The following NKAIN2 variants were observed in gnomAD, a reference collection of about 807,000 sequenced individuals.
NKAIN2 encodes the protein sodium/potassium-transporting ATPase subunit beta-1-interacting protein 2.
NKAIN2 carries 14 observed loss-of-function variants against 32.6 expected under a neutral mutation model. The observed-to-expected ratio is 0.43, with a 90% confidence interval of 0.28 to 0.67. The LOEUF (loss-of-function observed/expected upper bound fraction) is 0.67. Among genes scored for constraint, NKAIN2 ranks in the 30% least tolerant of loss-of-function variants. The pLI, the probability that NKAIN2 is intolerant of heterozygous loss-of-function variation, is 0.17. For synonymous variants in NKAIN2, 80 were observed against 87.2 expected, an observed-to-expected ratio of 0.92 and a Z score of 0.46; for missense variants, 198 against 258.3, an observed-to-expected ratio of 0.77 and a Z score of 1.60.
chr6:124,309,476 T>TG (rs1796633825), intron 2 of NKAIN2, among the ~76,000 whole-genome samples: 1 of 152,176 alleles, frequency 6.6e-6, no homozygotes, highest in Admixed American at 6.6e-5. Context: ...TTTCCCTTAA[T>TG]GTATTAGGGT....
intron 3 of NKAIN2, chr6:124,390,959 A>G (rs539829916): frequency 6.6e-6 from 1 of 152,206 alleles, no homozygotes; most frequent in East Asian, 1.9e-4. Flanking sequence ...ATCTAAAAAT[A>G]TGTTAAAAGT....
At chr6:124,658,037 C>T in intron 3 of NKAIN2, 149 bp from the exon 4 acceptor site, 1 of 588,674 alleles carries the variant, frequency 1.7e-6, no homozygotes, top group Non-Finnish European at 2.9e-6. Context: ...TAGCTGTGTC[C>T]TCGCTTCCTG....
chr6:124,052,699 T>C (rs74481493), intron 1 of NKAIN2, among the ~76,000 whole-genome samples: 8,524 of 152,122 alleles, frequency 0.056, 284 homozygotes, highest in Middle Eastern at 0.14. Flanking sequence ...ATATGGCAAA[T>C]ACCCTCAGTT....
chr6:124,138,907 A>G (rs1308490408), intron 1 of NKAIN2, among the ~76,000 whole-genome samples: 1 of 150,828 alleles, frequency 6.6e-6, no homozygotes, highest in Non-Finnish European at 1.5e-5. Context: ...GATATAATGG[A>G]CTTTGAAGAC....
intron 3 of NKAIN2, among the ~76,000 whole-genome samples, chr6:124,598,601 A>T (rs973767271): frequency 1.3e-5 from 2 of 150,204 alleles, no homozygotes; most frequent in African/African-American, 4.9e-5. Flanking sequence ...TTGGAAGTAC[A>T]CCCCTTTCAT....
chr6:124,347,134 C>A (rs201007262), intron 2 of NKAIN2, among the ~76,000 whole-genome samples: 808 of 134,056 alleles, frequency 6.0e-3, no homozygotes, highest in South Asian at 7.5e-3. Flanking sequence ...CTTGAAAATT[C>A]TTTTCTTTAA....
At chr6:124,256,093 C>G (rs1270796639) in intron 1 of NKAIN2, among the ~76,000 whole-genome samples, 4 of 152,164 alleles carry the variant, frequency 2.6e-5, no homozygotes, top group African/African-American at 9.7e-5. Context: ...ACGTGTTAGT[C>G]TATTCTCAGC....
At chr6:124,566,274 G>T (rs1780907324) in intron 3 of NKAIN2, among the ~76,000 whole-genome samples, 1 of 152,130 alleles carries the variant, frequency 6.6e-6, no homozygotes, top group African/African-American at 2.4e-5. Flanking sequence ...AGAGATATTG[G>T]TCTACTTCCT....
intron 1 of NKAIN2, among the ~76,000 whole-genome samples, chr6:124,072,740 C>A (rs1783519902): frequency 6.6e-6 from 1 of 152,144 alleles, no homozygotes; most frequent in South Asian, 2.1e-4. Context: ...AAATCCACTT[C>A]TTTATGAAAT....
intron 4 of NKAIN2, among the ~76,000 whole-genome samples, chr6:124,711,860 G>A (rs1308711928): frequency 6.6e-6 from 1 of 152,166 alleles, no homozygotes; most frequent in Non-Finnish European, 1.5e-5. Context: ...CATTGCTGGT[G>A]AGGAACTGTG....
chr6:123,879,422 T>G (rs1280711611), intron 1 of NKAIN2, among the ~76,000 whole-genome samples: 2 of 152,204 alleles, frequency 1.3e-5, no homozygotes, highest in Non-Finnish European at 2.9e-5. Flanking sequence ...GCTAAGTTGC[T>G]ATAACAAAGA....
chr6:124,695,339 A>C (rs1446789172), intron 4 of NKAIN2, among the ~76,000 whole-genome samples: 1 of 152,204 alleles, frequency 6.6e-6, no homozygotes, highest in Non-Finnish European at 1.5e-5. Flanking sequence ...ACCAGCTCAG[A>C]ACACCAGCCA....
chr6:124,170,394 T>C (rs1254955349), intron 1 of NKAIN2, among the ~76,000 whole-genome samples: 1 of 152,238 alleles, frequency 6.6e-6, no homozygotes, highest in East Asian at 1.9e-4. Flanking sequence ...TTTCCATAGA[T>C]ATTTTTTTCT....
chr6:123,866,386 G>T (rs1772513426), intron 1 of NKAIN2, among the ~76,000 whole-genome samples: 1 of 152,012 alleles, frequency 6.6e-6, no homozygotes, highest in African/African-American at 2.4e-5. Flanking sequence ...CATTTCGAAG[G>T]TTCTAAGGAA....
At chr6:124,797,337 A>C (rs1780048987) in intron 5 of NKAIN2, among the ~76,000 whole-genome samples, 2 of 152,204 alleles carry the variant, frequency 1.3e-5, no homozygotes, top group African/African-American at 4.8e-5. Context: ...CTTTGCTAAA[A>C]GAGATTCAAT....
At chr6:124,474,178 T>C (rs1036343740) in intron 3 of NKAIN2, among the ~76,000 whole-genome samples, 2 of 152,060 alleles carry the variant, frequency 1.3e-5, no homozygotes, top group African/African-American at 4.8e-5. Context: ...TCATAATCTT[T>C]AGAGCTCTAT....
intron 1 of NKAIN2, among the ~76,000 whole-genome samples, chr6:124,025,459 GAA>G (rs5879714): frequency 0.25 from 37,660 of 149,256 alleles, 6,372 homozygotes; most frequent in African/African-American, 0.48. Context: ...GAATGGAAAG[GAA>G]AAAAAAAAAA....
At position 123,920,860 on chromosome 6, in the gene NKAIN2, C is replaced by G. The variant is rs935090462; in HGVS notation, c.54+116606C>G. The stretch of plus-strand genomic sequence containing the variant: ...CATAAGTCAAAAAGTGTGCTAGTAT[C>G]ATTGCAAAAGATGTCAGACAAGAAT... On this transcript the variant is annotated intron_variant, in intron 1 of 6. Transcript: ENST00000368417. 7.2e-5 allele frequency among the ~76,000 whole-genome samples: 11 copies of G among 152,272 alleles called. No individual in the cohort carries two copies. In the East Asian group the frequency reaches 1.9e-3, roughly 27 times the overall value.
chr6:124,278,204 C>T (rs1026633083), intron 1 of NKAIN2, among the ~76,000 whole-genome samples: 1 of 152,062 alleles, frequency 6.6e-6, no homozygotes, highest in Non-Finnish European at 1.5e-5. Context: ...AGATGCCTAA[C>T]CAGTACAAAG....
Sources: gnomAD v4.1 joint callset for allele counts (sites outside exome capture counted in the v4.1 genomes callset) on GRCh38, gnomAD v4.1.1 for gene constraint, MANE v1.5 for transcripts, NCBI Gene and HGNC (gene_info 2026-07-23, HGNC 2026-07-21) for gene names.